VSIG10L: variants seen among roughly 807,000 people sequenced by gnomAD.
The protein encoded by VSIG10L is V-set and immunoglobulin domain containing 10 like, also known as V-set and immunoglobulin domain-containing protein 10-like.
A neutral mutation model predicts 67.3 loss-of-function variants in VSIG10L; 63 were observed. That is an observed-to-expected ratio of 0.94 (90% CI 0.76 to 1.15). The LOEUF (loss-of-function observed/expected upper bound fraction) is 1.15. Among genes scored for constraint, VSIG10L ranks in the 50% most tolerant of loss-of-function variants. The probability of loss-of-function intolerance (pLI) is 0.00; values close to 1 mark genes in which losing one functional copy is unlikely to be tolerated. For missense variants in VSIG10L, 1,050 were observed against 1,177.5 expected (o/e 0.89, Z 1.58); for synonymous variants, 499 against 524.9 (o/e 0.95, Z 0.67).
In VSIG10L at chr19:51,341,782, A is replaced by G; in HGVS notation, c.266T>C (p.Met89Thr). The change falls in exon 2 of 10, where the codon ATG becomes ACG. Residue 89 changes from methionine to threonine, a missense_variant. Around this residue, in one of 3 missense-constraint regions of VSIG10L, gnomAD observed 511 missense variants for 557.9 expected, o/e 0.92. Coordinates refer to ENST00000335624, the MANE Select transcript of VSIG10L (RefSeq NM_001163922.3). ...SWFPEALSSN[M>T]SGSFWSNVSA... ...AACATTTGACCAGAAGGACCCAGAC[A>G]TGTTGGAACTCAGGGCCTCAGGAAA... is the stretch of plus-strand genomic sequence containing the variant. The G allele has an allele frequency of 1.3e-6, 2 of 1,551,458 alleles. No individual in the cohort carries two copies. Among genetic ancestry groups the G allele is most frequent in the South Asian group, 1.2e-5 (1 of 84,012 alleles).
At position 51,340,822 on chromosome 19, in the gene VSIG10L, C is replaced by T; in HGVS notation, c.896-96G>A. On this transcript the variant is annotated intron_variant, in intron 2 of 9. Coordinates refer to ENST00000335624, the MANE Select transcript of VSIG10L (RefSeq NM_001163922.3). This position sits in a 1 kb window ranked among gnomAD's most constrained non-coding sequence, Gnocchi z 6.3. ...CCCAGCCGCTGCTCCCTCTAAGCCC[C>T]TGGAGTCTCAGCCCCCATCCCTCTC... 5.9e-6 allele frequency: 8 copies of T among 1,350,318 alleles called. No homozygotes were observed. The highest frequency in any genetic ancestry group is 9.7e-7 in the Non-Finnish European group (1 of 1,033,132). 83.6% of individuals were successfully genotyped at this position (1,350,318 alleles called of 1,614,324 possible). A position where few individuals can be genotyped will look rare whatever the true frequency, so the allele number is the denominator to read the frequency against.
chr19:51,337,312 G>A lies in VSIG10L; in HGVS notation c.2231C>T (p.Thr744Ile), dbSNP rs1325916805. The change falls in exon 7 of 10, where the codon ACC (threonine) becomes ATC (isoleucine). Residue 744 changes from threonine to isoleucine, a missense_variant. Transcript: ENST00000335624. ...VVPLPPRNPG[T>I]WTFRILPILG... is the part of the protein sequence containing the mutation. ...GATGGGCAGGATCCGAAAGGTCCAG[G>A]TCCCTGGGTTCCGAGGTGGAAGGGG... 6.4e-7 allele frequency: 1 copy of A among 1,551,680 alleles called. No homozygotes were observed. The highest frequency in any genetic ancestry group is 8.7e-7 in the Non-Finnish European group (1 of 1,146,990).
intron 7 of VSIG10L, among the ~76,000 whole-genome samples, chr19:51,336,205 C>G (rs1217673048): frequency 6.6e-6 from 1 of 152,056 alleles, no homozygotes; most frequent in Non-Finnish European, 1.5e-5. Flanking sequence ...AAGATGTAAC[C>G]AAGTCAATTT....
Position 51,338,076 on chromosome 19 carries a change from G to A in VSIG10L, c.1862C>T (p.Ala621Val). 6.4e-7 allele frequency: 1 copy of A among 1,551,522 alleles called. No individual in the cohort carries two copies. Among genetic ancestry groups the A allele is most frequent in the Non-Finnish European group, 8.7e-7 (1 of 1,146,918 alleles). The change falls in exon 6 of 10, where the codon GCT becomes GTT. Residue 621 changes from alanine to valine, a missense_variant. Coordinates refer to ENST00000335624, the MANE Select transcript of VSIG10L (RefSeq NM_001163922.3). ...ASWAREGRPL[A>V]PGGGSRLRLS... Reference sequence around the variant, plus strand: ...CCGCAGGCGACTCCCGCCTCCTGGAGCCAGGGGCCTCCCTTCCCGGGCCCA... The same window carrying A: ...CCGCAGGCGACTCCCGCCTCCTGGAACCAGGGGCCTCCCTTCCCGGGCCCA...
At chr19:51,334,076 G>A in intron 8 of VSIG10L, 115 bp downstream of exon 8, 2 of 1,469,310 alleles carry the variant, frequency 1.4e-6, no homozygotes, top group South Asian at 1.2e-5. Context: ...AGGTAGGAGG[G>A]CAGGATGGAT....
In VSIG10L at chr19:51,339,132, G is replaced by C; in HGVS notation, c.1485C>G (p.Pro495=). 1 of 1,305,082 alleles carries C rather than the reference G, an allele frequency of 7.7e-7. No individual in the cohort carries two copies. The highest frequency in any genetic ancestry group is 2.3e-5 in the South Asian group (1 of 43,692). The allele number at this position is 1,305,082 out of a possible 1,614,324, so 80.8% of individuals were successfully genotyped here. The change falls in exon 5 of 10, where the codon CCC becomes CCG. Residue 495 remains proline, a synonymous_variant. Coordinates refer to ENST00000335624, the MANE Select transcript of VSIG10L (RefSeq NM_001163922.3). ...LLNLTVADLP[P]GAPQCSVEGG... is the part of the protein sequence containing the mutation. ...CTTCAACTGAGCACTGTGGGGCCCC[G>C]GGGGGCAGGTCTGCGGAGAGAAGGG...
Position 51,340,160 on chromosome 19 carries a change from C to A in VSIG10L, c.1329G>T (p.Ala443=). ...RPPADITWSL[A]DPAEAAVPAG... is the part of the protein sequence containing the mutation. ...CGGGCACCGCGGCCTCGGCCGGGTC[C>A]GCCAGGCTCCACGTGATGTCGGCGG... Residue 443 remains alanine, a synonymous_variant, in exon 4 of 10, where the codon GCG becomes GCT. Transcript: ENST00000335624. This position sits in a 1 kb window ranked among gnomAD's most constrained non-coding sequence, Gnocchi z 6.3. 1 of 1,386,114 alleles carries A rather than the reference C, an allele frequency of 7.2e-7. No individual in the cohort carries two copies. Among genetic ancestry groups the A allele is most frequent in the East Asian group, 3.1e-5 (1 of 32,508 alleles). 85.9% of individuals were successfully genotyped at this position (1,386,114 alleles called of 1,614,324 possible).
Position 51,340,691 on chromosome 19 carries a change from G to C in VSIG10L, c.931C>G (p.Pro311Ala). The C allele has an allele frequency of 6.6e-7, 1 of 1,523,328 alleles. No individual in the cohort carries two copies. Among genetic ancestry groups the C allele is most frequent in the East Asian group, 2.5e-5 (1 of 40,646 alleles). 94.4% of individuals were successfully genotyped at this position (1,523,328 alleles called of 1,614,324 possible). ...LPQLSVQPKA[P>A]ETEEGAAELR... ...TCGGCCGCCCCCTCCTCTGTCTCTGGAGCCTTGGGCTGAACCGACAGCTGG... is the reference window on the plus strand; with the variant it reads ...TCGGCCGCCCCCTCCTCTGTCTCTGCAGCCTTGGGCTGAACCGACAGCTGG... The change falls in exon 3 of 10, where the codon CCA becomes GCA. Residue 311 changes from proline (P) to alanine (A), a missense_variant. Pro to Ala is a conservative substitution (Grantham distance 27). Coordinates refer to ENST00000335624, the MANE Select transcript of VSIG10L (RefSeq NM_001163922.3). The surrounding 1 kb of genome is among the most constrained non-coding windows in gnomAD (Gnocchi z 6.3).
chr19:51,340,227 C>A lies in VSIG10L; in HGVS notation c.1262G>T (p.Gly421Val). The A allele has an allele frequency of 6.6e-7, 1 of 1,509,710 alleles. No homozygotes were observed. The highest frequency in any genetic ancestry group is 1.2e-5 in the South Asian group (1 of 81,962). 93.5% of individuals were successfully genotyped at this position (1,509,710 alleles called of 1,614,324 possible). ...GGCGCAGCGCAAGGTCACGTTACTG[C>A]CCGCGGTGACAAAGCGGGCAGGCGC... ...DAAPARFVTAGSNVTLRCAAA... is the reference protein window; with the variant it reads ...DAAPARFVTAVSNVTLRCAAA... Residue 421 changes from glycine to valine, a missense_variant, in exon 4 of 10, where the codon GGC becomes GTC. Transcript: ENST00000335624. The surrounding 1 kb of genome is among the most constrained non-coding windows in gnomAD (Gnocchi z 6.3).
rs368921932 is a variant in VSIG10L, at chr19:51,334,038, G to A, written c.2420-93C>T. On this transcript the variant is annotated intron_variant, in intron 8 of 9. Transcript: ENST00000335624. ...AGCAAGGGAAGCTGGTTGGAGAGGCGGAGCCTTATGCTGATTGGCTGATTT... is the reference window on the plus strand; with the variant it reads ...AGCAAGGGAAGCTGGTTGGAGAGGCAGAGCCTTATGCTGATTGGCTGATTT... The A allele has an allele frequency of 1.5e-4, 234 of 1,516,900 alleles. 3 individuals are homozygous for A. In the South Asian group the frequency reaches 2.4e-3, roughly 16 times the overall value. The allele number at this position is 1,516,900 out of a possible 1,614,324, so 94.0% of individuals were successfully genotyped here. A position where few individuals can be genotyped will look rare whatever the true frequency, so the allele number is the denominator to read the frequency against.
chr19:51,338,834 GAA>G (rs1182025370), intron 5 of VSIG10L, 52 bp downstream of exon 5: 2 of 1,338,312 alleles, frequency 1.5e-6, no homozygotes, highest in South Asian at 1.9e-5. Context: ...AAGGACCAAA[GAA>G]AAAGTCTCCC....
rs765548240 is a variant in VSIG10L, at chr19:51,341,442, C to G, written c.606G>C (p.Leu202=). 9 of 1,539,284 alleles carry G rather than the reference C, an allele frequency of 5.8e-6. No individual in the cohort carries two copies. In the East Asian group the frequency reaches 2.0e-4, roughly 33 times the overall value. Residue 202 remains leucine, a synonymous_variant, in exon 2 of 10, where the codon CTG becomes CTC. Transcript: ENST00000335624. ...PQQVGGPLAV[L]VGTTIRLPLV... ...GGGGGAGCCGGATGGTGGTCCCCACCAGCACAGCGAGTGGGCCCCCCACCT... is the reference window on the plus strand; with the variant it reads ...GGGGGAGCCGGATGGTGGTCCCCACGAGCACAGCGAGTGGGCCCCCCACCT...
chr19:51,337,179 AG>A, intron 7 of VSIG10L, 58 bp downstream of exon 7: 1 of 1,488,010 alleles, frequency 6.7e-7, no homozygotes. Context: ...ACACTAAAAC[AG>A]GGAGACACGG....
In VSIG10L at chr19:51,340,380, C is replaced by T. The variant is rs1452767675; in HGVS notation, c.1189+53G>A. On this transcript the variant is annotated intron_variant, in intron 3 of 9. Coordinates refer to ENST00000335624, the MANE Select transcript of VSIG10L (RefSeq NM_001163922.3). The surrounding 1 kb of genome is among the most constrained non-coding windows in gnomAD (Gnocchi z 6.3). ...GGACTCCCGGAGACTGGGTCCCCAG[C>T]CCGCTTCTCCCCAAGGACCCCCTGT... 5 of 1,459,446 alleles carry T rather than the reference C, an allele frequency of 3.4e-6. No individual in the cohort carries two copies. The highest frequency in any genetic ancestry group is 1.3e-5 in the South Asian group (1 of 74,442). The allele number at this position is 1,459,446 out of a possible 1,614,324, so 90.4% of individuals were successfully genotyped here.
chr19:51,336,768 T>TTA, intron 7 of VSIG10L, among the ~76,000 whole-genome samples: 1 of 125,818 alleles, frequency 7.9e-6, no homozygotes, highest in Non-Finnish European at 1.7e-5. Context: ...CCTTGATTTT[T>TTA]TTTTTTTTTT....
chr19:51,340,981 G>T lies in VSIG10L; in HGVS notation c.895+172C>A. 9.4e-7 allele frequency: 1 copy of T among 1,068,260 alleles called. No homozygotes were observed. The highest frequency in any genetic ancestry group is 1.3e-6 in the Non-Finnish European group (1 of 792,446). 66.2% of individuals were successfully genotyped at this position (1,068,260 alleles called of 1,614,324 possible). ...AGGCTCCCAGGAGTCTCCATCCCAG[G>T]TCCACCTTTGCTCAGACACCCCTGC... On this transcript the variant is annotated intron_variant, in intron 2 of 9. Coordinates refer to ENST00000335624, the MANE Select transcript of VSIG10L (RefSeq NM_001163922.3). The surrounding 1 kb of genome is among the most constrained non-coding windows in gnomAD (Gnocchi z 6.3).
At chr19:51,336,781 T>G (rs112221544) in intron 7 of VSIG10L, among the ~76,000 whole-genome samples, 3,633 of 143,460 alleles carry the variant, frequency 0.025, 154 homozygotes, top group African/African-American at 0.091. Context: ...TTTTTTTTTT[T>G]TTTTGAGACG....
Position 51,332,654 on chromosome 19 carries a change from G to C in VSIG10L, c.2575-14C>G. On this transcript the variant is annotated splice_polypyrimidine_tract_variant and intron_variant, in intron 9 of 9. Coordinates refer to ENST00000335624, the MANE Select transcript of VSIG10L (RefSeq NM_001163922.3). ...TGGGGTCTGTGCCTGGAAGAGAGAG[G>C]TGGGGTGAGGGGAGAACTCAGTAGG... The C allele has an allele frequency of 6.4e-7, 1 of 1,550,948 alleles. No individual in the cohort carries two copies.
intron 4 of VSIG10L, 105 bp downstream of exon 4, chr19:51,339,910 T>G: frequency 4.5e-5 from 41 of 915,796 alleles, no homozygotes; most frequent in Admixed American, 2.2e-4. Context: ...CACCCACCGG[T>G]ATGCTGCTCC....
Sources: gnomAD v4.1 joint callset for allele counts (sites outside exome capture counted in the v4.1 genomes callset) on GRCh38, gnomAD v4.1.1 for gene constraint, gnomAD v4.1.1 regional missense constraint, Gnocchi (gnomAD v3.1) non-coding constraint, MANE v1.5 for transcripts, NCBI Gene and HGNC (gene_info 2026-07-23, HGNC 2026-07-21) for gene names.